The following ALKBH5 variants were observed in gnomAD, a reference collection of about 807,000 sequenced individuals.
ALKBH5 encodes alkB homolog 5, RNA demethylase, also known as RNA demethylase ALKBH5.
In ALKBH5, 2 loss-of-function variants were observed where a neutral mutation model predicts 32.1. The ratio of observed to expected loss-of-function variants is 0.06; its 90% CI spans 0.03 to 0.20. The LOEUF is 0.20. Ranked by LOEUF, ALKBH5 falls within the 10% of genes least tolerant of loss-of-function variation. The pLI is 1.00. For missense variants in ALKBH5, 352 were observed against 559.5 expected, an observed-to-expected ratio of 0.63 and a Z score of 3.74; for synonymous variants, 300 against 231.7, an observed-to-expected ratio of 1.29 and a Z score of -2.68.
intron 1 of ALKBH5, among the ~76,000 whole-genome samples, chr17:18,192,270 A>G (rs1009085094): frequency 3.3e-5 from 5 of 152,166 alleles, no homozygotes; most frequent in Non-Finnish European, 7.4e-5. Flanking sequence ...GGCACCCTGC[A>G]TTATCTGACT....
chr17:18,204,249 C>G (rs1404985981), intron 2 of ALKBH5, among the ~76,000 whole-genome samples: 1 of 151,662 alleles, frequency 6.6e-6, no homozygotes, highest in East Asian at 1.9e-4. Flanking sequence ...GTCGGGAGTT[C>G]AAGACCAGCC....
chr17:18,185,321 T>A (rs1473918526), intron 1 of ALKBH5, among the ~76,000 whole-genome samples: 3 of 152,192 alleles, frequency 2.0e-5, no homozygotes, highest in Non-Finnish European at 4.4e-5. Context: ...CCACCATCCA[T>A]TTCTTAGCAT....
chr17:18,208,989 C>T lies in ALKBH5; in HGVS notation c.*593C>T. On this transcript the variant is annotated 3_prime_UTR_variant, in exon 4 of 4. Transcript: ENST00000399138. Reference sequence around the variant, plus strand: ...GCCTGGGCAGGGGCTTAAACAGTGCCAGCCCCTGCCATCCCAAAGCTATTG... The same window carrying T: ...GCCTGGGCAGGGGCTTAAACAGTGCTAGCCCCTGCCATCCCAAAGCTATTG... 5.7e-6 allele frequency: 1 copy of T among 174,806 alleles called. No individual in the cohort carries two copies. The highest frequency in any genetic ancestry group is 1.2e-4 in the South Asian group (1 of 8,202). 10.8% of individuals were successfully genotyped at this position (174,806 alleles called of 1,614,324 possible).
At chr17:18,194,873 A>G in intron 1 of ALKBH5, 82 bp from the exon 2 acceptor site, 3 of 1,202,316 alleles carry the variant, frequency 2.5e-6, no homozygotes, top group East Asian at 2.4e-5. Flanking sequence ...GACCTAGGCC[A>G]TGTTCCTGTC....
chr17:18,190,933 T>C (rs967194482), intron 1 of ALKBH5, among the ~76,000 whole-genome samples: 1 of 152,188 alleles, frequency 6.6e-6, no homozygotes, highest in African/African-American at 2.4e-5. Context: ...TTGCAACATA[T>C]ACTGGTCAGT....
chr17:18,204,406 G>A (rs1026083035), intron 2 of ALKBH5, among the ~76,000 whole-genome samples: 6 of 149,670 alleles, frequency 4.0e-5, no homozygotes, highest in Non-Finnish European at 8.9e-5. Context: ...AGCCAAGATC[G>A]TGCCAGTGCA....
In ALKBH5 at chr17:18,184,330, G is replaced by C; in HGVS notation, c.87G>C (p.Glu29Asp). ...SRDNYKAGSR[E>D]AAAAAAAAVA... Reference sequence around the variant, plus strand: ...ACAACTATAAGGCGGGCAGCCGGGAGGCCGCCGCCGCTGCCGCAGCCGCCG... The same window carrying C: ...ACAACTATAAGGCGGGCAGCCGGGACGCCGCCGCCGCTGCCGCAGCCGCCG... The change falls in exon 1 of 4, where the codon GAG becomes GAC. Residue 29 changes from glutamate to aspartate, a missense_variant. This residue lies in a region of ALKBH5 where 144 missense variants were observed against 125.8 expected (regional missense o/e 1.14). Coordinates refer to ENST00000399138, the MANE Select transcript of ALKBH5 (RefSeq NM_017758.4). 6.6e-7 allele frequency: 1 copy of C among 1,511,982 alleles called. No individual in the cohort carries two copies. The highest frequency in any genetic ancestry group is 8.8e-7 in the Non-Finnish European group (1 of 1,133,982). 93.7% of individuals were successfully genotyped at this position (1,511,982 alleles called of 1,614,324 possible).
At chr17:18,207,168 A>G (rs1284581190) in intron 3 of ALKBH5, among the ~76,000 whole-genome samples, 198 bp downstream of exon 3, 1 of 152,210 alleles carries the variant, frequency 6.6e-6, no homozygotes, top group African/African-American at 2.4e-5. Flanking sequence ...CCCAGAGAGA[A>G]GGGGTCAGGC....
chr17:18,190,423 A>C (rs547402275), intron 1 of ALKBH5, among the ~76,000 whole-genome samples: 3 of 151,962 alleles, frequency 2.0e-5, no homozygotes, highest in African/African-American at 7.2e-5. Flanking sequence ...GGTGGCAGGC[A>C]CCTGTAATCC....
At position 18,184,797 on chromosome 17, in the gene ALKBH5, G is replaced by A; in HGVS notation, c.554G>A (p.Gly185Asp). ...GTGGAGCACCGCGTCATCCCCGAGG[G>A]CTTCGTCAACAGCGCCGTCATCAAC... is the stretch of plus-strand genomic sequence containing the variant. ...KLVEHRVIPE[G>D]FVNSAVINDY... Residue 185 changes from glycine to aspartate, a missense_variant, in exon 1 of 4, where the codon GGC (glycine) becomes GAC (aspartate). By Grantham distance (94) the Gly-to-Asp change is moderately conservative. Coordinates refer to ENST00000399138, the MANE Select transcript of ALKBH5 (RefSeq NM_017758.4). 6.2e-7 allele frequency: 1 copy of A among 1,614,112 alleles called. No individual in the cohort carries two copies. Among genetic ancestry groups the A allele is most frequent in the Non-Finnish European group, 8.5e-7 (1 of 1,180,010 alleles).
intron 2 of ALKBH5, among the ~76,000 whole-genome samples, chr17:18,201,841 TAGA>T (rs2047242735): frequency 1.4e-5 from 1 of 73,510 alleles, no homozygotes; most frequent in Non-Finnish European, 3.4e-5. Context: ...AGATAGATGA[TAGA>T]TAGATTGATT....
At chr17:18,189,353 G>T (rs1329075793) in intron 1 of ALKBH5, among the ~76,000 whole-genome samples, 1 of 152,188 alleles carries the variant, frequency 6.6e-6, no homozygotes, top group African/African-American at 2.4e-5. Flanking sequence ...CTGAACTCCA[G>T]CCTGGCAGCC....
At chr17:18,199,297 C>T (rs2047222580) in intron 2 of ALKBH5, among the ~76,000 whole-genome samples, 1 of 152,098 alleles carries the variant, frequency 6.6e-6, no homozygotes. Context: ...GTTGGTAACC[C>T]TGGAAGGGGA....
chr17:18,186,963 G>A (rs1323987668), intron 1 of ALKBH5, among the ~76,000 whole-genome samples: 2 of 152,122 alleles, frequency 1.3e-5, no homozygotes, highest in African/African-American at 4.8e-5. Context: ...ATAGGGCCTG[G>A]CACAGGGTAG....
At chr17:18,201,804 GATA>G (rs879666303) in intron 2 of ALKBH5, among the ~76,000 whole-genome samples, 290 of 69,136 alleles carry the variant, frequency 4.2e-3, no homozygotes, top group African/African-American at 5.8e-3. Flanking sequence ...AAGATAGATA[GATA>G]GATAGATAGA....
At chr17:18,206,292 G>A (rs2047268724) in intron 2 of ALKBH5, among the ~76,000 whole-genome samples, 1 of 152,150 alleles carries the variant, frequency 6.6e-6, no homozygotes, top group South Asian at 2.1e-4. Context: ...GTTGTGGAGT[G>A]GGCCTGGGTT....
At position 18,197,345 on chromosome 17, in the gene ALKBH5, A is replaced by G. The variant is rs567175166; in HGVS notation, c.851+2310A>G. Reference sequence around the variant, plus strand: ...CAGCATAGGCAAGAACTCGGAAACAATGGAGTCCAGAGTGTAGCACTCTTC... The same window carrying G: ...CAGCATAGGCAAGAACTCGGAAACAGTGGAGTCCAGAGTGTAGCACTCTTC... On this transcript the variant is annotated intron_variant, in intron 2 of 3. Coordinates refer to ENST00000399138, the MANE Select transcript of ALKBH5 (RefSeq NM_017758.4). Among the ~76,000 whole-genome samples, 15 of 152,296 alleles carry G rather than the reference A, an allele frequency of 9.8e-5. No homozygotes were observed. The South Asian group carries it at 1.4e-3, about 15-fold the overall frequency.
At chr17:18,188,580 C>T (rs1054520832) in intron 1 of ALKBH5, among the ~76,000 whole-genome samples, 3 of 152,180 alleles carry the variant, frequency 2.0e-5, no homozygotes, top group African/African-American at 4.8e-5. Context: ...CTTCTGATTC[C>T]ACTGGAGGGG....
rs997201124 is a variant in ALKBH5, at chr17:18,184,253, G to T, written c.10G>T (p.Ala4Ser). MAA[A>S]SGYTDLREKL... ...CAGCGTCGTGGGGGCCATGGCGGCC[G>T]CCAGCGGCTACACGGACCTGCGTGA... Residue 4 changes from alanine to serine, a missense_variant, in exon 1 of 4, where the codon GCC becomes TCC. This residue lies in a region of ALKBH5 where 144 missense variants were observed against 125.8 expected (regional missense o/e 1.14). Transcript: ENST00000399138. 4 of 1,516,358 alleles carry T rather than the reference G, an allele frequency of 2.6e-6. No individual in the cohort carries two copies. The African/African-American group carries it at 4.3e-5, about 16-fold the overall frequency. The allele number at this position is 1,516,358 out of a possible 1,614,324, so 93.9% of individuals were successfully genotyped here. A position where few individuals can be genotyped will look rare whatever the true frequency, so the allele number is the denominator to read the frequency against.
Sources: allele counts gnomAD v4.1 joint callset (sites outside exome capture counted in the v4.1 genomes callset), GRCh38; gene constraint gnomAD v4.1.1; regional missense constraint gnomAD v4.1.1; transcripts MANE v1.5; gene names NCBI Gene and HGNC (gene_info 2026-07-23, HGNC 2026-07-21).